Variants in NLK observed in about 807,000 individuals in gnomAD.
NLK encodes nemo like kinase, also known as serine/threonine-protein kinase NLK.
A neutral mutation model predicts 59.0 loss-of-function variants in NLK; 11 were observed. That is an observed-to-expected ratio of 0.19 (90% confidence interval 0.12 to 0.31). The LOEUF is 0.31. NLK is among the 10% of genes least tolerant of loss of function. The probability of loss-of-function intolerance (pLI) is 1.00; values close to 1 mark genes in which losing one functional copy is unlikely to be tolerated. For missense variants in NLK, 410 were observed against 661.1 expected (o/e 0.62, Z 4.16); for synonymous variants, 235 against 235.9 (o/e 1.00, Z 0.03).
At chr17:28,072,891 T>G (rs972069371) in intron 1 of NLK, among the ~76,000 whole-genome samples, 1 of 152,216 alleles carries the variant, frequency 6.6e-6, no homozygotes, top group African/African-American at 2.4e-5. Flanking sequence ...AATACTCTTA[T>G]CTGCTGTCTT....
At chr17:28,060,733 T>G (rs568893752) in intron 1 of NLK, among the ~76,000 whole-genome samples, 160 of 152,338 alleles carry the variant, frequency 1.1e-3, no homozygotes, top group South Asian at 1.7e-3. Context: ...ACTTTTAAAC[T>G]GCTAGATATT....
At chr17:28,071,864 A>C (rs1290197260) in intron 1 of NLK, among the ~76,000 whole-genome samples, 3 of 152,246 alleles carry the variant, frequency 2.0e-5, no homozygotes, top group African/African-American at 7.2e-5. Context: ...CCCTGCTTTC[A>C]GCATGCAGTT....
rs1398747405 is a variant in NLK, at chr17:28,064,788, A to G, written c.458+21457A>G. ...TTTATTGGCCATGTGCCTTTCGGCA[A>G]ATTGCTTTACTGCTTTGTGTCTCAG... On this transcript the variant is annotated intron_variant, in intron 1 of 10. Coordinates refer to ENST00000407008, the MANE Select transcript of NLK (RefSeq NM_016231.5). Among the ~76,000 whole-genome samples, 4 of 152,332 alleles carry G rather than the reference A, an allele frequency of 2.6e-5. No homozygotes were observed. The South Asian group carries it at 6.2e-4, about 24-fold the overall frequency.
intron 3 of NLK, among the ~76,000 whole-genome samples, chr17:28,139,213 C>T (rs916919617): frequency 3.3e-5 from 5 of 152,088 alleles, no homozygotes; most frequent in Admixed American, 3.3e-4. Flanking sequence ...CGTGCCACTG[C>T]ACTTCAGCCT....
At chr17:28,105,900 C>T (rs1905062813) in intron 1 of NLK, among the ~76,000 whole-genome samples, 1 of 152,234 alleles carries the variant, frequency 6.6e-6, no homozygotes, top group Non-Finnish European at 1.5e-5. Flanking sequence ...AGCCCTGTGT[C>T]AGACTACCAA....
chr17:28,131,946 C>A (rs1906536358), intron 2 of NLK, among the ~76,000 whole-genome samples: 1 of 152,062 alleles, frequency 6.6e-6, no homozygotes, highest in Non-Finnish European at 1.5e-5. Context: ...AGTCTATTTT[C>A]TTCCTACCCT....
chr17:28,181,126 C>T (rs931700688), intron 7 of NLK, among the ~76,000 whole-genome samples: 10 of 151,910 alleles, frequency 6.6e-5, no homozygotes, highest in Non-Finnish European at 1.0e-4. Flanking sequence ...AGGGTGGGTG[C>T]GGTGGCTCAC....
At chr17:28,082,844 C>G (rs35666352) in intron 1 of NLK, among the ~76,000 whole-genome samples, 1 of 152,174 alleles carries the variant, frequency 6.6e-6, no homozygotes, top group South Asian at 2.1e-4. Context: ...AGAATTTTCT[C>G]ACTTATCCTA....
intron 3 of NLK, among the ~76,000 whole-genome samples, chr17:28,153,651 G>T (rs1009967439): frequency 2.0e-5 from 3 of 152,084 alleles, no homozygotes; most frequent in East Asian, 3.9e-4. Flanking sequence ...CTTAATGCAG[G>T]GATGGCAATT....
chr17:28,169,866 G>C (rs1908394451), intron 6 of NLK, among the ~76,000 whole-genome samples: 1 of 151,856 alleles, frequency 6.6e-6, no homozygotes, highest in Non-Finnish European at 1.5e-5. Flanking sequence ...AGGACTCTAG[G>C]GATACAGCAG....
intron 1 of NLK, among the ~76,000 whole-genome samples, chr17:28,059,742 T>TA (rs1909564587): frequency 6.6e-6 from 1 of 151,914 alleles, no homozygotes; most frequent in South Asian, 2.1e-4. Context: ...CTCTGAAAAA[T>TA]AAAAAAGCTG....
intron 9 of NLK, 52 bp from the exon 10 acceptor site, chr17:28,192,068 C>A: frequency 9.5e-7 from 1 of 1,056,612 alleles, no homozygotes; most frequent in Non-Finnish European, 1.4e-6. Flanking sequence ...GAATTCACTG[C>A]TCCCGGGCTT....
At chr17:28,101,598 A>G (rs1673978491) in intron 1 of NLK, among the ~76,000 whole-genome samples, 1 of 152,164 alleles carries the variant, frequency 6.6e-6, no homozygotes, top group Non-Finnish European at 1.5e-5. Flanking sequence ...CAAAGCTAGT[A>G]TGTAGAGATG....
intron 1 of NLK, among the ~76,000 whole-genome samples, chr17:28,063,690 ATATGGAACACCT>A (rs1422060865): frequency 6.6e-6 from 1 of 152,182 alleles, no homozygotes; most frequent in East Asian, 1.9e-4. Flanking sequence ...TCAATTAGTA[ATATGGAACACCT>A]TATTCCTCAC....
At chr17:28,148,442 T>C (rs1053057631) in intron 3 of NLK, among the ~76,000 whole-genome samples, 1 of 152,230 alleles carries the variant, frequency 6.6e-6, no homozygotes, top group Non-Finnish European at 1.5e-5. Flanking sequence ...AGATTATTTT[T>C]ATAATTTGAC....
chr17:28,194,412 A>G (rs985405663), intron 10 of NLK, among the ~76,000 whole-genome samples, 170 bp from the exon 11 acceptor site: 1 of 152,264 alleles, frequency 6.6e-6, no homozygotes, highest in Non-Finnish European at 1.5e-5. Flanking sequence ...TCCATAGATA[A>G]CAGGTCCATA....
chr17:28,116,626 A>C (rs1201578950), intron 1 of NLK, among the ~76,000 whole-genome samples: 1 of 152,228 alleles, frequency 6.6e-6, no homozygotes, highest in Non-Finnish European at 1.5e-5. Flanking sequence ...TTCTAAATTC[A>C]TTAAGATTTT....
intron 1 of NLK, among the ~76,000 whole-genome samples, chr17:28,058,306 C>T (rs1050713784): frequency 1.3e-5 from 2 of 152,180 alleles, no homozygotes; most frequent in African/African-American, 4.8e-5. Flanking sequence ...GGTATAGGTG[C>T]TGAAGGTCTA....
At chr17:28,169,618 G>T (rs926256946) in intron 6 of NLK, among the ~76,000 whole-genome samples, 5 of 151,932 alleles carry the variant, frequency 3.3e-5, no homozygotes, top group Non-Finnish European at 5.9e-5. Context: ...AGCTCAGGCT[G>T]TGAAATCAGA....
Sources: gnomAD v4.1 joint callset for allele counts (sites outside exome capture counted in the v4.1 genomes callset) on GRCh38, gnomAD v4.1.1 for gene constraint, MANE v1.5 for transcripts, NCBI Gene and HGNC (gene_info 2026-07-23, HGNC 2026-07-21) for gene names.